The following ANK3 variants were observed in gnomAD, a reference collection of about 807,000 sequenced individuals.
ANK3 encodes the protein ankyrin-3.
Under a neutral mutation model 370.9 loss-of-function variants are expected in ANK3, and 57 were observed. The ratio of observed to expected loss-of-function variants is 0.15; its 90% CI spans 0.12 to 0.19. ANK3 has a LOEUF of 0.19. ANK3 is among the 10% of genes least tolerant of loss of function. The pLI is 1.00. For synonymous variants in ANK3, 1,929 were observed against 1,946.3 expected (o/e 0.99, Z 0.23); for missense variants, 4,439 against 5,302.1 (o/e 0.84, Z 5.06).
intron 9 of ANK3, among the ~76,000 whole-genome samples, chr10:60,212,159 A>AAAAAATAT (rs2096867660): frequency 6.6e-6 from 1 of 152,038 alleles, no homozygotes; most frequent in Non-Finnish European, 1.5e-5. Flanking sequence ...TGAATAGGAG[A>AAAAAATAT]AAAAATATGA....
chr10:60,288,928 G>A (rs565179802), intron 1 of ANK3, among the ~76,000 whole-genome samples: 127 of 101,254 alleles, frequency 1.3e-3, no homozygotes, highest in Non-Finnish European at 2.0e-3. Flanking sequence ...ACACACACAC[G>A]TCACAGCCAA....
chr10:60,716,425 T>C (rs2079789385), intron 1 of ANK3, among the ~76,000 whole-genome samples: 1 of 152,178 alleles, frequency 6.6e-6, no homozygotes, highest in Admixed American at 6.5e-5. Flanking sequence ...CAATTCTTCA[T>C]GAAACTCTAG....
intron 7 of ANK3, among the ~76,000 whole-genome samples, chr10:60,238,229 A>T (rs1009860409): frequency 3.3e-5 from 5 of 152,206 alleles, no homozygotes; most frequent in African/African-American, 1.2e-4. Context: ...TGTGAGCTGC[A>T]CTTCCACTGT....
At chr10:60,183,675 A>G (rs1205554558) in intron 17 of ANK3, among the ~76,000 whole-genome samples, 1 of 152,044 alleles carries the variant, frequency 6.6e-6, no homozygotes, top group East Asian at 1.9e-4. Flanking sequence ...CCTGACCTAC[A>G]TGGAGAAACC....
At chr10:60,420,130 G>C (rs1416091704) in intron 2 of ANK3, among the ~76,000 whole-genome samples, 2 of 152,116 alleles carry the variant, frequency 1.3e-5, no homozygotes, top group African/African-American at 4.8e-5. Context: ...GAGCAGCTCT[G>C]TTTATATACC....
rs767485893 is a variant in ANK3, at chr10:60,069,594, T to C, written c.11287A>G (p.Ile3763Val). 1.2e-6 allele frequency: 2 copies of C among 1,613,880 alleles called. No individual in the cohort carries two copies. Among genetic ancestry groups the C allele is most frequent in the Non-Finnish European group, 1.7e-6 (2 of 1,179,966 alleles). Reference protein sequence around the residue: ...QGLENETITMISNTANSQMGV... With the variant: ...QGLENETITMVSNTANSQMGV... ...ATCTGGCTATTGGCTGTATTTGAAA[T>C]CATTGTTATAGTTTCATTTTCTAAT... The change falls in exon 37 of 44, where the codon ATT (isoleucine) becomes GTT (valine). Residue 3763 changes from isoleucine (I) to valine (V), a missense_variant. Transcript: ENST00000280772.
chr10:60,292,786 C>G (rs10740020), intron 1 of ANK3, among the ~76,000 whole-genome samples: 92,318 of 150,656 alleles, frequency 0.61, 28,515 homozygotes, highest in South Asian at 0.78. Flanking sequence ...CAGCTCACTG[C>G]AACCTCCACC....
intron 17 of ANK3, 195 bp downstream of exon 17, chr10:60,186,520 G>A (rs979603614): frequency 1.5e-5 from 10 of 679,556 alleles, no homozygotes; most frequent in Non-Finnish European, 7.9e-6. Context: ...CTGGCGCATT[G>A]ACCATTTTTC....
chr10:60,291,839 A>C (rs2041470358), intron 1 of ANK3, among the ~76,000 whole-genome samples: 1 of 151,902 alleles, frequency 6.6e-6, no homozygotes, highest in African/African-American at 2.4e-5. Flanking sequence ...TGACCTCCCT[A>C]GTAGCCAGGT....
intron 2 of ANK3, among the ~76,000 whole-genome samples, chr10:60,451,773 C>T (rs1423888579): frequency 6.6e-6 from 1 of 152,202 alleles, no homozygotes; most frequent in Non-Finnish European, 1.5e-5. Flanking sequence ...GTTCCCACGG[C>T]TCACGCTCTG....
At chr10:60,169,129 A>T (rs2095704744) in intron 21 of ANK3, among the ~76,000 whole-genome samples, 1 of 152,172 alleles carries the variant, frequency 6.6e-6, no homozygotes, top group African/African-American at 2.4e-5. Context: ...ACACTGTCTT[A>T]TATGATGGTT....
intron 1 of ANK3, among the ~76,000 whole-genome samples, chr10:60,677,221 C>G (rs1158659701): frequency 6.6e-6 from 1 of 152,134 alleles, no homozygotes; most frequent in Non-Finnish European, 1.5e-5. Context: ...CAGCAACATT[C>G]TAACTATCTT....
chr10:60,065,496 AAG>A (rs2131951419), intron 38 of ANK3, among the ~76,000 whole-genome samples: 1 of 152,342 alleles, frequency 6.6e-6, no homozygotes, highest in African/African-American at 2.4e-5. Flanking sequence ...AGGCTCAAAA[AAG>A]TCCATTATCT....
intron 2 of ANK3, among the ~76,000 whole-genome samples, chr10:60,400,009 A>AGAGTGT (rs1242156169): frequency 6.9e-6 from 1 of 145,880 alleles, no homozygotes; most frequent in African/African-American, 2.6e-5. Context: ...CCTCCAATAC[A>AGAGTGT]GTGTGTGTGT....
intron 16 of ANK3, among the ~76,000 whole-genome samples, chr10:60,190,806 G>C (rs2096463572): frequency 6.6e-6 from 1 of 152,170 alleles, no homozygotes; most frequent in African/African-American, 2.4e-5. Context: ...AACAAAGTTG[G>C]AGGCATCATA....
rs184293396 is a variant in ANK3, at chr10:60,678,360, A to G, written c.57+54903T>C. Among the ~76,000 whole-genome samples the G allele has an allele frequency of 2.0e-5, 3 of 152,312 alleles. No homozygotes were observed. In the East Asian group the frequency reaches 5.8e-4, roughly 29 times the overall value. ...CAAATGATTACTTAAGAAACAATTTAGTGGGCAAGGTTTCAAAACATTGGG... is the reference window on the plus strand; with the variant it reads ...CAAATGATTACTTAAGAAACAATTTGGTGGGCAAGGTTTCAAAACATTGGG... On this transcript the variant is annotated intron_variant, in intron 1 of 43. Transcript: ENST00000373827.
rs1307541963 is a variant in ANK3 at position 60,732,324 on chromosome 10, G to A, written c.57+939C>T. 2.0e-5 allele frequency among the ~76,000 whole-genome samples: 3 copies of A among 152,138 alleles called. No individual in the cohort carries two copies. In the South Asian group the frequency reaches 6.2e-4, roughly 32 times the overall value. On this transcript the variant is annotated intron_variant, in intron 1 of 43. Transcript: ENST00000373827. ...CTTTCCCTAGCCATTCTATGCAAAT[G>A]CAAACATAAGCGAGTGTTTTAAACC... is the stretch of plus-strand genomic sequence containing the variant.
intron 40 of ANK3, among the ~76,000 whole-genome samples, chr10:60,061,665 C>T (rs1286455588): frequency 1.3e-5 from 2 of 151,808 alleles, no homozygotes; most frequent in East Asian, 3.9e-4. Flanking sequence ...TAAAAAGAAC[C>T]GCTTTTTACT....
intron 1 of ANK3, among the ~76,000 whole-genome samples, chr10:60,683,319 C>A (rs1173163437): frequency 1.3e-5 from 2 of 152,092 alleles, no homozygotes; most frequent in Admixed American, 6.5e-5. Flanking sequence ...TGAAACTATC[C>A]CACAATATCT....
Sources: gnomAD v4.1 joint callset for allele counts (sites outside exome capture counted in the v4.1 genomes callset) on GRCh38, gnomAD v4.1.1 for gene constraint, MANE v1.5 for transcripts, NCBI Gene and HGNC (gene_info 2026-07-23, HGNC 2026-07-21) for gene names.